The following ZNF219 variants were observed in gnomAD, a reference collection of about 807,000 sequenced individuals.
ZNF219 encodes the protein zinc finger protein 219.
Under a neutral mutation model 54.4 loss-of-function variants are expected in ZNF219, and 17 were observed. The ratio of observed to expected loss-of-function variants is 0.31; its 90% CI spans 0.21 to 0.47. ZNF219 has a LOEUF of 0.47. Ranked by LOEUF, ZNF219 falls within the 20% of genes least tolerant of loss-of-function variation. The pLI is 1.00. For synonymous variants in ZNF219, 518 were observed against 476.4 expected (o/e 1.09, Z -1.14); for missense variants, 1,014 against 1,062.3 (o/e 0.95, Z 0.63).
intron 1 of ZNF219, among the ~76,000 whole-genome samples, chr14:21,096,077 T>C (rs1248914158): frequency 6.6e-6 from 1 of 152,140 alleles, no homozygotes; most frequent in Non-Finnish European, 1.5e-5. Flanking sequence ...CATAGCTGAC[T>C]AACCTATGGG....
upstream of ZNF219, chr14:21,098,877 G>T: frequency 7.8e-7 from 1 of 1,283,042 alleles, no homozygotes; most frequent in Non-Finnish European, 1.0e-6. Flanking sequence ...GTTCTTCCTG[G>T]GGTTTTATCT....
intron 1 of ZNF219, 86 bp from the exon 2 acceptor site, chr14:21,093,760 C>G (rs188336804): frequency 7.9e-7 from 1 of 1,266,960 alleles, no homozygotes; most frequent in African/African-American, 1.5e-5. Context: ...TCTCAGCATT[C>G]TGTATTCCCA....
chr14:21,102,670 C>A (rs1186087726), upstream of ZNF219: 4 of 1,551,378 alleles, frequency 2.6e-6, no homozygotes, highest in African/African-American at 5.5e-5. Flanking sequence ...AGTGCTGAGG[C>A]CTTCACCCTA....
At chr14:21,094,280 G>A (rs1280029585) in intron 1 of ZNF219, 2 of 435,886 alleles carry the variant, frequency 4.6e-6, no homozygotes, top group Admixed American at 2.4e-5. Context: ...GAGGGGGAGG[G>A]GCATGAAGGG....
upstream of ZNF219, among the ~76,000 whole-genome samples, chr14:21,100,119 T>C (rs567328648): frequency 6.6e-6 from 1 of 152,168 alleles, no homozygotes; most frequent in African/African-American, 2.4e-5. Context: ...TCCCAGCAGT[T>C]TGGGAGGCCA....
In ZNF219 at chr14:21,093,237, G is replaced by A. The variant is rs386352384; in HGVS notation, c.60C>T (p.Phe20=). 1 of 1,601,354 alleles carries A rather than the reference G, an allele frequency of 6.2e-7. No homozygotes were observed. The highest frequency in any genetic ancestry group is 1.3e-5 in the African/African-American group (1 of 74,818). The change falls in exon 3 of 5, where the codon TTC becomes TTT. Residue 20 remains phenylalanine (F), a synonymous_variant. Coordinates refer to ENST00000360947, the MANE Select transcript of ZNF219 (RefSeq NM_016423.3). The stretch of plus-strand genomic sequence containing the variant: ...ATCGCTGCAGATCCAGCTCGCCGTC[G>A]AAAGCCGGCGGCGACGGCGCTAAGT... ...SGHLAPSPPA[F]DGELDLQRYS... is the part of the protein sequence containing the mutation.
chr14:21,104,364 C>T (rs191620756), intron 1 of ZNF219: 3 of 152,366 alleles, frequency 2.0e-5, no homozygotes, highest in Admixed American at 6.5e-5. Flanking sequence ...CGTTTACGAC[C>T]TTTGCAAGTG....
chr14:21,092,588 G>T lies in ZNF219; in HGVS notation c.709C>A (p.Gln237Lys). The change falls in exon 3 of 5, where the codon CAG becomes AAG. Residue 237 changes from glutamine to lysine, a missense_variant. Gln to Lys is a moderately conservative substitution (Grantham distance 53, BLOSUM62 1). Transcript: ENST00000360947. ...TGGGGGACTGATCTGGGTTCGGGCT[G>T]GGGTGGAGGCTGAGGCTGAGGCTGA... is the stretch of plus-strand genomic sequence containing the variant. The part of the protein sequence containing the change: ...PPQPQPQPPP[Q>K]PEPRSVPQPE... 2 of 1,542,926 alleles carry T rather than the reference G, an allele frequency of 1.3e-6. No homozygotes were observed. Among genetic ancestry groups the T allele is most frequent in the Non-Finnish European group, 1.7e-6 (2 of 1,146,042 alleles).
rs548889769 is a variant in ZNF219 at position 21,091,835 on chromosome 14, G to C, written c.1432+30C>G. ...CGTAAGAGTCAGAGGAGGACGCGGC[G>C]TACCCGGAGAGCGGAGGGTACCTAC... On this transcript the variant is annotated intron_variant, in intron 3 of 4. Transcript: ENST00000360947. 2.7e-5 allele frequency: 40 copies of C among 1,491,906 alleles called. No homozygotes were observed. In the East Asian group the frequency reaches 8.7e-4, roughly 33 times the overall value. The allele number at this position is 1,491,906 out of a possible 1,614,324, so 92.4% of individuals were successfully genotyped here.
In ZNF219 at chr14:21,092,590, G is replaced by A; in HGVS notation, c.707C>T (p.Pro236Leu). Residue 236 changes from proline (P) to leucine (L), a missense_variant, in exon 3 of 5, where the codon CCC (proline) becomes CTC (leucine). This residue lies in a region of ZNF219 where 395 missense variants were observed against 415.1 expected (regional missense o/e 0.95). Coordinates refer to ENST00000360947, the MANE Select transcript of ZNF219 (RefSeq NM_016423.3). ...GGGGACTGATCTGGGTTCGGGCTGG[G>A]GTGGAGGCTGAGGCTGAGGCTGAGG... ...PPPQPQPQPP[P>L]QPEPRSVPQP... 1.3e-6 allele frequency: 2 copies of A among 1,541,348 alleles called. No homozygotes were observed. Among genetic ancestry groups the A allele is most frequent in the East Asian group, 4.8e-5 (2 of 41,312 alleles).
intron 1 of ZNF219, 34 bp from the exon 2 acceptor site, chr14:21,093,708 A>T: frequency 1.3e-6 from 2 of 1,598,060 alleles, no homozygotes; most frequent in Non-Finnish European, 1.7e-6. Flanking sequence ...GGAAAAGATG[A>T]GCCCTAGTTT....
Position 21,093,109 on chromosome 14 carries a change from C to T in ZNF219, c.188G>A (p.Gly63Glu). ...GERRFPCPVC[G>E]KRFRFNSILA... Reference sequence around the variant, plus strand: ...GATAGAGTTGAAGCGGAAGCGCTTCCCGCATACAGGGCAGGGGAAGCGCCG... The same window carrying T: ...GATAGAGTTGAAGCGGAAGCGCTTCTCGCATACAGGGCAGGGGAAGCGCCG... Residue 63 changes from glycine to glutamate, a missense_variant, in exon 3 of 5, where the codon GGG becomes GAG. Around this residue, in one of 5 missense-constraint regions of ZNF219, gnomAD observed 395 missense variants for 415.1 expected, o/e 0.95. Transcript: ENST00000360947. 6.2e-7 allele frequency: 1 copy of T among 1,608,932 alleles called. No homozygotes were observed. Among genetic ancestry groups the T allele is most frequent in the Non-Finnish European group, 8.5e-7 (1 of 1,178,756 alleles).
chr14:21,098,742 G>C (rs1459454555), upstream of ZNF219: 2 of 1,219,962 alleles, frequency 1.6e-6, no homozygotes, highest in Admixed American at 5.5e-5. Context: ...AAGAGATTTT[G>C]AAAGGTCATC....
upstream of ZNF219, among the ~76,000 whole-genome samples, chr14:21,099,860 C>A (rs1228721390): frequency 6.6e-6 from 1 of 152,090 alleles, no homozygotes; most frequent in Non-Finnish European, 1.5e-5. Context: ...TATATTTGGG[C>A]CCAGCTGGTT....
chr14:21,102,598 G>A (rs750683666), upstream of ZNF219: 107 of 1,550,922 alleles, frequency 6.9e-5, no homozygotes, highest in South Asian at 1.0e-3. Flanking sequence ...AAACAGGTGC[G>A]GGGTCCCTGC....
At position 21,092,261 on chromosome 14, in the gene ZNF219, G is replaced by A; in HGVS notation, c.1036C>T (p.Pro346Ser). The A allele has an allele frequency of 6.8e-7, 1 of 1,477,468 alleles. No homozygotes were observed. The highest frequency in any genetic ancestry group is 9.0e-7 in the Non-Finnish European group (1 of 1,117,254). 91.5% of individuals were successfully genotyped at this position (1,477,468 alleles called of 1,614,324 possible). A position where few individuals can be genotyped will look rare whatever the true frequency, so the allele number is the denominator to read the frequency against. ...TAGGCCAGCAGGCCGAGGTCAGGAG[G>A]CTGGGGGGCGCGGGCAGGCCCGGAG... ...PASGPARAPQ[P>S]PDLGLLAYEP... is the part of the protein sequence containing the mutation. Residue 346 changes from proline to serine, a missense_variant, in exon 3 of 5, where the codon CCT becomes TCT. Pro to Ser is a moderately conservative substitution (Grantham distance 74). Transcript: ENST00000360947.
chr14:21,090,390 G>A lies in ZNF219; in HGVS notation c.*146C>T, dbSNP rs937698525. ...GGGTACCGCCAGCCCACCCTCCTAC[G>A]CCCGCCGCGCCTTCCACCTCTGGTC... On this transcript the variant is annotated 3_prime_UTR_variant, in exon 5 of 5. Coordinates refer to ENST00000360947, the MANE Select transcript of ZNF219 (RefSeq NM_016423.3). The surrounding 1 kb of genome is among the most constrained non-coding windows in gnomAD (Gnocchi z 4.4). The A allele has an allele frequency of 7.0e-6, 8 of 1,135,410 alleles. No individual in the cohort carries two copies. The highest frequency in any genetic ancestry group is 9.9e-6 in the Non-Finnish European group (8 of 810,018). The allele number at this position is 1,135,410 out of a possible 1,614,324, so 70.3% of individuals were successfully genotyped here. A position where few individuals can be genotyped will look rare whatever the true frequency, so the allele number is the denominator to read the frequency against.
rs769888047 is a variant in ZNF219 at position 21,092,922 on chromosome 14, C to G, written c.375G>C (p.Glu125Asp). 6.4e-7 allele frequency: 1 copy of G among 1,563,662 alleles called. No individual in the cohort carries two copies. The highest frequency in any genetic ancestry group is 1.4e-5 in the African/African-American group (1 of 73,468). ...GTCGGGCCTCGCGTAGTAGCGCGCGCTCTTCCAACTCCAGCAACAGGCGTG... is the reference window on the plus strand; with the variant it reads ...GTCGGGCCTCGCGTAGTAGCGCGCGGTCTTCCAACTCCAGCAACAGGCGTG... ...PAARLLLELEERALLREARLG... is the reference protein window; with the variant it reads ...PAARLLLELEDRALLREARLG... Residue 125 changes from glutamate (E) to aspartate (D), a missense_variant, in exon 3 of 5, where the codon GAG (glutamate) becomes GAC (aspartate). By Grantham distance (45) the Glu-to-Asp change is conservative (BLOSUM62 2). Around this residue, in one of 5 missense-constraint regions of ZNF219, gnomAD observed 395 missense variants for 415.1 expected, o/e 0.95. Coordinates refer to ENST00000360947, the MANE Select transcript of ZNF219 (RefSeq NM_016423.3).
At position 21,091,451 on chromosome 14, in the gene ZNF219, G is replaced by A. The variant is rs1888862953; in HGVS notation, c.1524C>T (p.Arg508=). The A allele has an allele frequency of 6.2e-7, 1 of 1,609,406 alleles. No individual in the cohort carries two copies. The highest frequency in any genetic ancestry group is 1.3e-5 in the African/African-American group (1 of 74,982). ...KDCPFCGKSF[R]SAHHLKVHLR... ...GATGCACTTTGAGGTGATGTGCTGA[G>A]CGGAAAGATTTTCCGCAGAAAGGAC... The change falls in exon 4 of 5, where the codon CGC becomes CGT. Residue 508 remains arginine, a synonymous_variant. Transcript: ENST00000360947.
Sources: gnomAD v4.1 joint callset for allele counts (sites outside exome capture counted in the v4.1 genomes callset) on GRCh38, gnomAD v4.1.1 for gene constraint, gnomAD v4.1.1 regional missense constraint, Gnocchi (gnomAD v3.1) non-coding constraint, MANE v1.5 for transcripts, NCBI Gene and HGNC (gene_info 2026-07-23, HGNC 2026-07-21) for gene names.